The following CLEC16A variants were observed in gnomAD, a reference collection of about 807,000 sequenced individuals.
CLEC16A encodes the protein protein CLEC16A.
Under a neutral mutation model 109.5 loss-of-function variants are expected in CLEC16A, and 51 were observed. That is an observed-to-expected ratio of 0.47 (90% CI 0.37 to 0.59). The LOEUF (loss-of-function observed/expected upper bound fraction) is 0.59. Ranked by LOEUF, CLEC16A falls within the 20% of genes least tolerant of loss-of-function variation. CLEC16A has a pLI of 0.00. For missense variants in CLEC16A, 1,339 were observed against 1,394.0 expected (o/e 0.96, Z 0.63); for synonymous variants, 673 against 564.2 (o/e 1.19, Z -2.73).
intron 22 of CLEC16A, among the ~76,000 whole-genome samples, chr16:11,153,053 A>G (rs752599226): frequency 6.6e-6 from 1 of 152,182 alleles, no homozygotes; most frequent in Non-Finnish European, 1.5e-5. Context: ...TTGGGAAGAA[A>G]TGAAGTCAAT....
chr16:11,090,541 C>A (rs1242535561), intron 19 of CLEC16A, among the ~76,000 whole-genome samples: 2 of 152,320 alleles, frequency 1.3e-5, no homozygotes, highest in East Asian at 1.9e-4. Context: ...TTTCCTATTA[C>A]ATTTCTCCGC....
At chr16:10,981,613 TC>T (rs1236682079) in intron 9 of CLEC16A, among the ~76,000 whole-genome samples, 1 of 152,240 alleles carries the variant, frequency 6.6e-6, no homozygotes, top group Non-Finnish European at 1.5e-5. Context: ...CCAACTGCAC[TC>T]CCCAGAGGCA....
At chr16:10,949,198 G>A in intron 1 of CLEC16A, among the ~76,000 whole-genome samples, 1 of 152,186 alleles carries the variant, frequency 6.6e-6, no homozygotes, top group East Asian at 1.9e-4. Context: ...TTCAAGTTTT[G>A]GCTAAGGTGG....
chr16:10,995,688 C>G (rs1243677186), intron 10 of CLEC16A, among the ~76,000 whole-genome samples: 2 of 152,142 alleles, frequency 1.3e-5, no homozygotes, highest in African/African-American at 4.8e-5. Context: ...TGGAACTACT[C>G]TTGTCTCTGT....
intron 10 of CLEC16A, among the ~76,000 whole-genome samples, chr16:10,989,474 A>C (rs113120936): frequency 1.3e-5 from 2 of 151,950 alleles, no homozygotes; most frequent in Non-Finnish European, 2.9e-5. Context: ...GGCTCAAACA[A>C]TTCACCCACC....
chr16:11,009,980 CCT>C (rs2045300840), intron 11 of CLEC16A, among the ~76,000 whole-genome samples: 1 of 151,982 alleles, frequency 6.6e-6, no homozygotes, highest in Non-Finnish European at 1.5e-5. Context: ...TAGGGAGACC[CCT>C]GTCTGTACAA....
chr16:11,174,262 C>A lies in CLEC16A; in HGVS notation c.2807-4073C>A, dbSNP rs924059817. ...GAACGGCAGCTGCCACGGCACCTCA[C>A]GCACAGTCAATTCAGGCAGGTCTCC... On this transcript the variant is annotated intron_variant, in intron 23 of 23. Coordinates refer to ENST00000409790, the MANE Select transcript of CLEC16A (RefSeq NM_015226.3). The surrounding 1 kb of genome is among the most constrained non-coding windows in gnomAD (Gnocchi z 4.7). 2.2e-6 allele frequency: 1 copy of A among 464,832 alleles called. No individual in the cohort carries two copies. The highest frequency in any genetic ancestry group is 4.4e-6 in the Non-Finnish European group (1 of 226,522). The allele number at this position is 464,832 out of a possible 1,614,324, so 28.8% of individuals were successfully genotyped here. A position where few individuals can be genotyped will look rare whatever the true frequency, so the allele number is the denominator to read the frequency against.
At chr16:10,948,054 C>T (rs1407220558) in intron 1 of CLEC16A, among the ~76,000 whole-genome samples, 9 of 152,122 alleles carry the variant, frequency 5.9e-5, no homozygotes, top group African/African-American at 1.7e-4. Flanking sequence ...CCACCACGCC[C>T]AGCTAATTTT....
At chr16:11,075,398 GTGTGTGTGTGTGTC>G (rs1445003548) in intron 19 of CLEC16A, among the ~76,000 whole-genome samples, 6 of 134,424 alleles carry the variant, frequency 4.5e-5, no homozygotes, top group Non-Finnish European at 8.0e-5. Flanking sequence ...GTGTGTGTGT[GTGTGTGTGTGTGTC>G]TGTGTGTGTG....
intron 10 of CLEC16A, among the ~76,000 whole-genome samples, chr16:10,991,955 A>G (rs1567167477): frequency 6.6e-6 from 1 of 152,216 alleles, no homozygotes. Context: ...TGCAGCTCTC[A>G]TCCCTGGAGG....
chr16:10,953,223 A>C (rs920897028), intron 1 of CLEC16A, among the ~76,000 whole-genome samples: 2 of 152,270 alleles, frequency 1.3e-5, no homozygotes. Flanking sequence ...AATGAGACCC[A>C]CATGGGTAGT....
chr16:11,108,244 T>C (rs1327175346), intron 19 of CLEC16A, among the ~76,000 whole-genome samples: 1 of 152,244 alleles, frequency 6.6e-6, no homozygotes, highest in Non-Finnish European at 1.5e-5. Context: ...CTTCAGTCTC[T>C]CCTGCATGCC....
intron 2 of CLEC16A, among the ~76,000 whole-genome samples, 196 bp from the exon 3 acceptor site, chr16:10,962,259 T>A (rs1474477605): frequency 6.6e-6 from 1 of 152,182 alleles, no homozygotes; most frequent in Non-Finnish European, 1.5e-5. Context: ...CTAAAACTCA[T>A]TTAATACTCA....
chr16:10,965,412 G>T (rs2042453306), intron 3 of CLEC16A, among the ~76,000 whole-genome samples: 1 of 152,198 alleles, frequency 6.6e-6, no homozygotes, highest in South Asian at 2.1e-4. Flanking sequence ...TCAAGTTTCT[G>T]CAGAATTCAA....
chr16:11,172,125 CAT>C lies in CLEC16A; in HGVS notation c.2806+5575_2806+5576del, dbSNP rs540373109. Among the ~76,000 whole-genome samples the C allele has an allele frequency of 1.8e-3, 274 of 152,182 alleles. 2 individuals carry two copies. Among genetic ancestry groups the C allele is most frequent in the Non-Finnish European group, 3.1e-3 (208 of 67,990 alleles). On this transcript the variant is annotated intron_variant, in intron 23 of 23. Coordinates refer to ENST00000409790, the MANE Select transcript of CLEC16A (RefSeq NM_015226.3). ...AAATTTGCATGCATAGTCACACACA[CAT>C]ACACAGTCACACATGCCACTGCACA...
At chr16:10,997,837 A>G (rs1286141313) in intron 10 of CLEC16A, among the ~76,000 whole-genome samples, 2 of 152,246 alleles carry the variant, frequency 1.3e-5, no homozygotes, top group Non-Finnish European at 2.9e-5. Context: ...TTTCAGCCCT[A>G]TAGTTTTGGT....
chr16:11,133,207 C>T (rs1053958275), intron 22 of CLEC16A, among the ~76,000 whole-genome samples: 3 of 152,050 alleles, frequency 2.0e-5, no homozygotes, highest in East Asian at 1.9e-4. Flanking sequence ...AGTGTGGTGG[C>T]GGGCACCTGT....
At chr16:11,027,285 G>T (rs1350169108) in intron 13 of CLEC16A, 3 of 1,547,250 alleles carry the variant, frequency 1.9e-6, no homozygotes, top group Non-Finnish European at 2.7e-6. Context: ...ACATTCCTTG[G>T]CCTTTGTTGT....
At chr16:11,006,261 A>G (rs2045003230) in intron 11 of CLEC16A, among the ~76,000 whole-genome samples, 1 of 152,164 alleles carries the variant, frequency 6.6e-6, no homozygotes, top group African/African-American at 2.4e-5. Flanking sequence ...CCTGGCCCGC[A>G]TGACAAATCT....
Sources: allele counts gnomAD v4.1 joint callset (sites outside exome capture counted in the v4.1 genomes callset), GRCh38; gene constraint gnomAD v4.1.1; non-coding constraint Gnocchi (gnomAD v3.1); transcripts MANE v1.5; gene names NCBI Gene and HGNC (gene_info 2026-07-23, HGNC 2026-07-21).